The following LCOR variants were observed in gnomAD, a reference collection of about 807,000 sequenced individuals.
The protein encoded by LCOR is ligand dependent nuclear receptor corepressor.
Under a neutral mutation model 64.4 loss-of-function variants are expected in LCOR, and 14 were observed. That is an observed-to-expected ratio of 0.22 (90% confidence interval 0.14 to 0.34). LCOR has a LOEUF of 0.34. Among genes scored for constraint, LCOR ranks in the 10% least tolerant of loss-of-function variants. The pLI is 1.00. For synonymous variants in LCOR, 643 were observed against 642.5 expected (o/e 1.00, Z -0.01); for missense variants, 1,686 against 1,765.3 (o/e 0.96, Z 0.80).
At chr10:96,969,216 ATT>A (rs1346860203) in intron 7 of LCOR, among the ~76,000 whole-genome samples, 1 of 152,226 alleles carries the variant, frequency 6.6e-6, no homozygotes, top group Non-Finnish European at 1.5e-5. Context: ...AAGAAACTGT[ATT>A]GATTAGAACA....
intron 7 of LCOR, among the ~76,000 whole-genome samples, chr10:96,980,057 T>C (rs1432458558): frequency 6.6e-6 from 1 of 152,094 alleles, no homozygotes; most frequent in Non-Finnish European, 1.5e-5. Flanking sequence ...GGTAGGAGAA[T>C]TGCTTGAACC....
intron 7 of LCOR, among the ~76,000 whole-genome samples, chr10:96,978,268 A>G (rs1003022267): frequency 3.3e-5 from 5 of 152,210 alleles, no homozygotes; most frequent in African/African-American, 1.2e-4. Context: ...TCACTCATCC[A>G]AGGGTGTCAC....
chr10:96,907,501 T>C (rs1433706617), intron 3 of LCOR, among the ~76,000 whole-genome samples, 167 bp from the exon 4 acceptor site: 1 of 152,174 alleles, frequency 6.6e-6, no homozygotes, highest in Non-Finnish European at 1.5e-5. Flanking sequence ...ATGAATAATG[T>C]ATTAACTAGT....
At chr10:96,967,322 G>C (rs1339360433) in intron 7 of LCOR, among the ~76,000 whole-genome samples, 1 of 152,062 alleles carries the variant, frequency 6.6e-6, no homozygotes, top group Non-Finnish European at 1.5e-5. Flanking sequence ...TTAGCGTTGG[G>C]GTTTCACCAT....
chr10:96,918,676 C>T (rs1254688666), intron 4 of LCOR, among the ~76,000 whole-genome samples: 1 of 152,300 alleles, frequency 6.6e-6, no homozygotes, highest in African/African-American at 2.4e-5. Flanking sequence ...AGTTACTGGA[C>T]ATTGGTAGGA....
At chr10:96,862,863 TG>T (rs1482226035) in intron 2 of LCOR, among the ~76,000 whole-genome samples, 3 of 152,016 alleles carry the variant, frequency 2.0e-5, no homozygotes, top group Non-Finnish European at 2.9e-5. Context: ...TTTAGTAATA[TG>T]TTTTCTTTCT....
At chr10:96,943,531 A>T (rs151141850) in intron 4 of LCOR, among the ~76,000 whole-genome samples, 1 of 152,356 alleles carries the variant, frequency 6.6e-6, no homozygotes, top group East Asian at 1.9e-4. Context: ...TTGACCACTT[A>T]ATCAATTTAC....
intron 2 of LCOR, among the ~76,000 whole-genome samples, chr10:96,854,007 T>C (rs1462889339): frequency 6.6e-6 from 1 of 152,092 alleles, no homozygotes. Flanking sequence ...GTCCCACCCT[T>C]GACACGTGGG....
At chr10:96,912,959 C>A (rs1302370164) in intron 4 of LCOR, among the ~76,000 whole-genome samples, 2 of 152,140 alleles carry the variant, frequency 1.3e-5, no homozygotes, top group African/African-American at 2.4e-5. Context: ...TAATTCATTA[C>A]AGTCCTTGTT....
chr10:96,834,285 A>G (rs1398797087), intron 2 of LCOR, among the ~76,000 whole-genome samples: 1 of 152,234 alleles, frequency 6.6e-6, no homozygotes, highest in African/African-American at 2.4e-5. Context: ...TGCTTGTGCA[A>G]ATAATAAAGG....
intron 2 of LCOR, among the ~76,000 whole-genome samples, chr10:96,893,635 C>T (rs992821190): frequency 6.6e-6 from 1 of 151,876 alleles, no homozygotes. Context: ...TGGTGGTGGG[C>T]ATCTGTAGTC....
At chr10:96,956,409 A>G in intron 7 of LCOR, 1 of 985,344 alleles carries the variant, frequency 1.0e-6, no homozygotes, top group Non-Finnish European at 1.2e-6. Flanking sequence ...GATTCAACTA[A>G]TCGAAGGATT....
intron 2 of LCOR, among the ~76,000 whole-genome samples, chr10:96,847,077 T>C (rs1044229405): frequency 1.2e-4 from 18 of 151,954 alleles, no homozygotes; most frequent in African/African-American, 4.4e-4. Flanking sequence ...ACCCCGTCTC[T>C]ACAAAAAATA....
At chr10:96,844,567 T>C (rs560583237) in intron 2 of LCOR, among the ~76,000 whole-genome samples, 4 of 152,346 alleles carry the variant, frequency 2.6e-5, no homozygotes, top group Admixed American at 6.5e-5. Flanking sequence ...CTTGCCTCCT[T>C]CTCTTCAGCT....
chr10:96,913,146 A>G (rs1456562376), intron 4 of LCOR, among the ~76,000 whole-genome samples: 1 of 151,804 alleles, frequency 6.6e-6, no homozygotes, highest in African/African-American at 2.4e-5. Context: ...TCTCCAAAAA[A>G]CTCTAGTTCC....
intron 2 of LCOR, among the ~76,000 whole-genome samples, chr10:96,839,658 A>T (rs1392888481): frequency 2.0e-5 from 3 of 151,890 alleles, no homozygotes; most frequent in Admixed American, 6.6e-5. Flanking sequence ...AAAAACCCAG[A>T]CATCTGACAA....
intron 4 of LCOR, among the ~76,000 whole-genome samples, chr10:96,941,283 G>A (rs1847466888): frequency 1.4e-5 from 2 of 139,132 alleles, no homozygotes; most frequent in Admixed American, 7.1e-5. Flanking sequence ...GGCCAGGCGG[G>A]GGGCTGATCC....
chr10:96,942,680 G>T (rs370083606), intron 4 of LCOR, among the ~76,000 whole-genome samples: 3 of 152,164 alleles, frequency 2.0e-5, no homozygotes, highest in African/African-American at 7.2e-5. Context: ...TAAATCTTAG[G>T]ATGGGAAATC....
rs757112826 is a variant in LCOR at position 96,958,383 on chromosome 10, A to G, written c.332+6187A>G. The G allele has an allele frequency of 5.2e-6, 8 of 1,528,572 alleles. No individual in the cohort carries two copies. In the South Asian group the frequency reaches 9.5e-5, roughly 18 times the overall value. 94.7% of individuals were successfully genotyped at this position (1,528,572 alleles called of 1,614,324 possible). On this transcript the variant is annotated intron_variant, in intron 7 of 7. Transcript: ENST00000421806. The stretch of plus-strand genomic sequence containing the variant: ...GTGTACATGGAGTGATCATTTTACT[A>G]ACATAAATATTTTCTATGTGTGTTT...
Sources: allele counts gnomAD v4.1 joint callset (sites outside exome capture counted in the v4.1 genomes callset), GRCh38; gene constraint gnomAD v4.1.1; transcripts MANE v1.5; gene names NCBI Gene and HGNC (gene_info 2026-07-23, HGNC 2026-07-21).